The following LINGO2 variants were observed in gnomAD, a reference collection of about 807,000 sequenced individuals.
LINGO2 encodes the protein leucine-rich repeat and immunoglobulin-like domain-containing nogo receptor-interacting protein 2.
In LINGO2, 14 loss-of-function variants were observed where a neutral mutation model predicts 30.6. That is an observed-to-expected ratio of 0.46 (90% CI 0.30 to 0.72). LINGO2 has a LOEUF of 0.72. Ranked by LOEUF, LINGO2 falls within the 30% of genes least tolerant of loss-of-function variation. The pLI, the probability that LINGO2 is intolerant of heterozygous loss-of-function variation, is 0.07. For missense variants in LINGO2, 729 were observed against 751.7 expected, an observed-to-expected ratio of 0.97 and a Z score of 0.35; for synonymous variants, 317 against 288.5, an observed-to-expected ratio of 1.10 and a Z score of -1.00.
the LINGO2 span, among the ~76,000 whole-genome samples, chr9:29,051,987 T>C: frequency 6.6e-6 from 1 of 152,228 alleles, no homozygotes; most frequent in Non-Finnish European, 1.5e-5. Flanking sequence ...TATATAATTC[T>C]ACATCATTCC....
At chr9:29,053,471 T>C in the LINGO2 span, among the ~76,000 whole-genome samples, 3 of 152,170 alleles carry the variant, frequency 2.0e-5, no homozygotes, top group South Asian at 6.2e-4. Flanking sequence ...AAATGACGAG[T>C]TAATGGGTGC....
the LINGO2 span, among the ~76,000 whole-genome samples, chr9:28,836,483 T>C: frequency 6.6e-6 from 1 of 151,980 alleles, no homozygotes; most frequent in Admixed American, 6.6e-5. Flanking sequence ...CCCAGCTAAT[T>C]TTTTGCATTT....
At chr9:28,238,945 T>C (rs1239797428) in intron 4 of LINGO2, among the ~76,000 whole-genome samples, 2 of 151,456 alleles carry the variant, frequency 1.3e-5, no homozygotes, top group Non-Finnish European at 2.9e-5. Flanking sequence ...AAACCAGATA[T>C]GAAAAAAGGA....
At chr9:28,936,835 G>C in the LINGO2 span, among the ~76,000 whole-genome samples, 1 of 152,108 alleles carries the variant, frequency 6.6e-6, no homozygotes, top group African/African-American at 2.4e-5. Context: ...GATGGCTTAA[G>C]CAAAAATTTA....
chr9:28,893,910 C>A, the LINGO2 span, among the ~76,000 whole-genome samples: 1 of 151,108 alleles, frequency 6.6e-6, no homozygotes, highest in African/African-American at 2.4e-5. Flanking sequence ...CCTGCCCCCA[C>A]CCCACAACAG....
At position 28,588,713 on chromosome 9, in the gene LINGO2, T is replaced by C. The variant is rs534059122; in HGVS notation, c.-365+81487A>G. On this transcript the variant is annotated intron_variant, in intron 1 of 5. Transcript: ENST00000379992. Reference sequence around the variant, plus strand: ...GCATTTGGTGTTCTTCTCTTTGAGGTCTTTCATTTAGAAATTTTATAGTTC... The same window carrying C: ...GCATTTGGTGTTCTTCTCTTTGAGGCCTTTCATTTAGAAATTTTATAGTTC... 1.6e-4 allele frequency among the ~76,000 whole-genome samples: 25 copies of C among 152,144 alleles called. No individual in the cohort carries two copies. The South Asian group carries it at 5.0e-3, about 30-fold the overall frequency.
chr9:28,461,819 A>C (rs925112417), intron 2 of LINGO2, among the ~76,000 whole-genome samples: 3 of 152,170 alleles, frequency 2.0e-5, no homozygotes, highest in Non-Finnish European at 4.4e-5. Flanking sequence ...AAAGAAAAGT[A>C]ATTGTTGTGC....
the LINGO2 span, among the ~76,000 whole-genome samples, chr9:28,808,014 A>G: frequency 6.6e-6 from 1 of 152,242 alleles, no homozygotes; most frequent in Non-Finnish European, 1.5e-5. Flanking sequence ...ACATTGTACA[A>G]CTTTTAGCAT....
intron 4 of LINGO2, among the ~76,000 whole-genome samples, chr9:28,144,524 T>TA (rs1441924384): frequency 6.6e-6 from 1 of 152,218 alleles, no homozygotes; most frequent in East Asian, 1.9e-4. Flanking sequence ...ATTCCAGGGT[T>TA]AAGAGTTTCA....
intron 1 of LINGO2, among the ~76,000 whole-genome samples, chr9:28,544,672 C>T (rs1821853311): frequency 1.3e-5 from 2 of 151,724 alleles, no homozygotes; most frequent in Admixed American, 6.6e-5. Context: ...GCATTACTAG[C>T]ATCATATTAA....
At chr9:28,971,487 T>C in the LINGO2 span, among the ~76,000 whole-genome samples, 1 of 152,190 alleles carries the variant, frequency 6.6e-6, no homozygotes, top group Non-Finnish European at 1.5e-5. Flanking sequence ...TAAGGCCACA[T>C]TGGTGGCAAT....
At chr9:28,211,481 C>T (rs953877581) in intron 4 of LINGO2, among the ~76,000 whole-genome samples, 2 of 151,316 alleles carry the variant, frequency 1.3e-5, no homozygotes, top group African/African-American at 2.4e-5. Context: ...CTTGAACCCT[C>T]TTGTGATCAG....
At chr9:28,761,808 A>C in the LINGO2 span, among the ~76,000 whole-genome samples, 1 of 151,910 alleles carries the variant, frequency 6.6e-6, no homozygotes, top group East Asian at 1.9e-4. Flanking sequence ...GTTAGGATGA[A>C]CTCTGTGTGA....
intron 5 of LINGO2, among the ~76,000 whole-genome samples, chr9:28,008,952 T>A (rs1036873794): frequency 3.9e-5 from 6 of 152,058 alleles, no homozygotes; most frequent in Non-Finnish European, 8.8e-5. Flanking sequence ...GAACCCAAGG[T>A]GCCAAAACAA....
chr9:28,860,178 G>T, the LINGO2 span, among the ~76,000 whole-genome samples: 1 of 151,916 alleles, frequency 6.6e-6, no homozygotes, highest in South Asian at 2.1e-4. Context: ...TATTTCATTG[G>T]AAAAATACCA....
chr9:28,555,573 G>A (rs190061887), intron 1 of LINGO2, among the ~76,000 whole-genome samples: 3,808 of 152,086 alleles, frequency 0.025, 80 homozygotes, highest in South Asian at 0.077. Context: ...GAGGTACAAG[G>A]AGGAACTGGT....
intron 4 of LINGO2, among the ~76,000 whole-genome samples, chr9:28,099,934 C>T (rs1244022291): frequency 6.6e-6 from 1 of 152,156 alleles, no homozygotes; most frequent in African/African-American, 2.4e-5. Flanking sequence ...GCACATTTTA[C>T]AAGTGTGATC....
chr9:28,479,653 G>C (rs1189348275), intron 1 of LINGO2, among the ~76,000 whole-genome samples: 1 of 151,448 alleles, frequency 6.6e-6, no homozygotes, highest in Non-Finnish European at 1.5e-5. Flanking sequence ...TTTCATTTAA[G>C]AATGATAGAC....
At chr9:28,953,022 T>C in the LINGO2 span, among the ~76,000 whole-genome samples, 1 of 152,150 alleles carries the variant, frequency 6.6e-6, no homozygotes, top group Non-Finnish European at 1.5e-5. Flanking sequence ...GTTTACTGGG[T>C]ATAGAAATTA....
Sources: gnomAD v4.1 joint callset for allele counts (sites outside exome capture counted in the v4.1 genomes callset) on GRCh38, gnomAD v4.1.1 for gene constraint, MANE v1.5 for transcripts, NCBI Gene and HGNC (gene_info 2026-07-23, HGNC 2026-07-21) for gene names.